Variants in CLEC17A observed in about 807,000 individuals in gnomAD.
CLEC17A encodes C-type lectin domain containing 17A.
Under a neutral mutation model 61.3 loss-of-function variants are expected in CLEC17A, and 37 were observed. That is an observed-to-expected ratio of 0.60 (90% CI 0.46 to 0.79). The LOEUF is 0.79. Ranked by LOEUF, CLEC17A falls within the 30% of genes least tolerant of loss-of-function variation. CLEC17A has a pLI of 0.00. For missense variants in CLEC17A, 418 were observed against 464.7 expected, an observed-to-expected ratio of 0.90 and a Z score of 0.92; for synonymous variants, 168 against 164.9, an observed-to-expected ratio of 1.02 and a Z score of -0.14.
At chr19:14,607,508 C>A (rs891933538) in intron 13 of CLEC17A, among the ~76,000 whole-genome samples, 2 of 150,466 alleles carry the variant, frequency 1.3e-5, no homozygotes, top group East Asian at 4.0e-4. Context: ...CGGCCAGGAG[C>A]TGGTTTTTAC....
intron 13 of CLEC17A, among the ~76,000 whole-genome samples, chr19:14,607,348 T>C (rs1226815243): frequency 5.4e-5 from 8 of 149,118 alleles, no homozygotes; most frequent in East Asian, 2.0e-4. Flanking sequence ...GGACTACAGG[T>C]GCCCATCACC....
In CLEC17A at chr19:14,591,018, G is replaced by T. The variant is rs190000213; in HGVS notation, c.200-1263G>T. Among the ~76,000 whole-genome samples, 3 of 151,888 alleles carry T rather than the reference G, an allele frequency of 2.0e-5. No individual in the cohort carries two copies. In the East Asian group the frequency reaches 5.8e-4, roughly 30 times the overall value. The stretch of plus-strand genomic sequence containing the variant: ...CAGCCTATTTCTGCGTCTCTTTACT[G>T]GTTTATTGTCTCTCTGGTCTAGATT... On this transcript the variant is annotated intron_variant, in intron 3 of 13. Transcript: ENST00000417570.
At position 14,610,270 on chromosome 19, in the gene CLEC17A, G is replaced by A. The variant is rs1426649427; in HGVS notation, c.*74G>A. The A allele has an allele frequency of 9.8e-6, 15 of 1,528,118 alleles. No individual in the cohort carries two copies. Among genetic ancestry groups the A allele is most frequent in the Non-Finnish European group, 1.1e-5 (13 of 1,141,252 alleles). The allele number at this position is 1,528,118 out of a possible 1,614,324, so 94.7% of individuals were successfully genotyped here. A position where few individuals can be genotyped will look rare whatever the true frequency, so the allele number is the denominator to read the frequency against. ...GAGAATCTCCTGCCCTTTCGTGGAC[G>A]GCCTTGCCTCTTCGTGAGTGGACAC... is the stretch of plus-strand genomic sequence containing the variant. On this transcript the variant is annotated 3_prime_UTR_variant, in exon 14 of 14. Transcript: ENST00000417570.
upstream of CLEC17A, among the ~76,000 whole-genome samples, chr19:14,581,944 AC>A (rs1436324803): frequency 2.6e-5 from 4 of 151,072 alleles, no homozygotes; most frequent in Non-Finnish European, 5.9e-5. Context: ...GAGCCACTGC[AC>A]CCGGCCAGAT....
chr19:14,583,279 A>G, intron 1 of CLEC17A, 76 bp downstream of exon 1: 1 of 1,612,890 alleles, frequency 6.2e-7, no homozygotes, highest in Non-Finnish European at 8.5e-7. Flanking sequence ...ACCATGGGGC[A>G]GCTGAGGCAG....
At chr19:14,591,006 C>G (rs144485008) in intron 3 of CLEC17A, among the ~76,000 whole-genome samples, 2 of 151,560 alleles carry the variant, frequency 1.3e-5, no homozygotes, top group East Asian at 1.9e-4. Flanking sequence ...CCTATTTCTG[C>G]GTCTCTTTAC....
chr19:14,607,023 C>A lies in CLEC17A; in HGVS notation c.925C>A (p.Arg309=). Residue 309 remains arginine (R), a synonymous_variant, in exon 13 of 14, where the codon CGG becomes AGG. Coordinates refer to ENST00000417570, the MANE Select transcript of CLEC17A (RefSeq NM_001204118.2). The stretch of plus-strand genomic sequence containing the variant: ...TGTGGCCAAGGCCCATGGCTCTCCA[C>A]GGGTGTACTGGCTGGGGCTGAATGA... ...NFVAKAHGSP[R]VYWLGLNDRA... 7.6e-7 allele frequency: 1 copy of A among 1,319,354 alleles called. No homozygotes were observed. The highest frequency in any genetic ancestry group is 9.7e-7 in the Non-Finnish European group (1 of 1,029,042). The allele number at this position is 1,319,354 out of a possible 1,614,324, so 81.7% of individuals were successfully genotyped here. A position where few individuals can be genotyped will look rare whatever the true frequency, so the allele number is the denominator to read the frequency against.
chr19:14,597,935 C>T (rs1420701984), intron 10 of CLEC17A, among the ~76,000 whole-genome samples: 2 of 152,070 alleles, frequency 1.3e-5, no homozygotes. Context: ...ACTGAGCTAG[C>T]GAGTGTTGAA....
intron 4 of CLEC17A, among the ~76,000 whole-genome samples, chr19:14,593,943 CAG>C (rs935152351): frequency 1.3e-5 from 2 of 150,946 alleles, no homozygotes; most frequent in Non-Finnish European, 2.9e-5. Flanking sequence ...GCCTGGGAGA[CAG>C]AGAGAGACTC....
chr19:14,585,935 A>G (rs1329288739), intron 2 of CLEC17A, among the ~76,000 whole-genome samples: 1 of 151,122 alleles, frequency 6.6e-6, no homozygotes, highest in African/African-American at 2.4e-5. Context: ...TCACCATGGA[A>G]TGTGGGGGAA....
In CLEC17A at chr19:14,610,286, GA is replaced by G. The variant is rs2075016755; in HGVS notation, c.*91del. Reference sequence around the variant, plus strand: ...TTCGTGGACGGCCTTGCCTCTTCGTGAGTGGACACACAGATGTGCCTCAAAC... The same window carrying G: ...TTCGTGGACGGCCTTGCCTCTTCGTGGTGGACACACAGATGTGCCTCAAAC... On this transcript the variant is annotated 3_prime_UTR_variant, in exon 14 of 14. Transcript: ENST00000417570. The G allele has an allele frequency of 6.7e-7, 1 of 1,503,172 alleles. No individual in the cohort carries two copies. Among genetic ancestry groups the G allele is most frequent in the Non-Finnish European group, 8.9e-7 (1 of 1,125,874 alleles). The allele number at this position is 1,503,172 out of a possible 1,614,324, so 93.1% of individuals were successfully genotyped here.
chr19:14,589,435 A>T (rs1336306114), intron 3 of CLEC17A, among the ~76,000 whole-genome samples: 2 of 142,222 alleles, frequency 1.4e-5, no homozygotes, highest in Non-Finnish European at 3.0e-5. Context: ...CAGAGAATTT[A>T]AAAAAAATAT....
At chr19:14,607,445 T>C (rs11882883) in intron 13 of CLEC17A, among the ~76,000 whole-genome samples, 13,328 of 151,696 alleles carry the variant, frequency 0.088, 604 homozygotes, top group Middle Eastern at 0.12. Flanking sequence ...CCTCGTGATC[T>C]GCCCGCCTTG....
Position 14,611,243 on chromosome 19 carries a change from C to G in CLEC17A, c.*1047C>G, listed in dbSNP as rs564253759. The G allele has an allele frequency of 6.6e-6, 1 of 152,196 alleles. No individual in the cohort carries two copies. The highest frequency in any genetic ancestry group is 6.6e-5 in the Admixed American group (1 of 15,252). The allele number at this position is 152,196 out of a possible 1,614,324, so 9.4% of individuals were successfully genotyped here. On this transcript the variant is annotated 3_prime_UTR_variant, in exon 14 of 14. Coordinates refer to ENST00000417570, the MANE Select transcript of CLEC17A (RefSeq NM_001204118.2). ...GCTTCCTTCCTGGTCTCAAACAGCA[C>G]AAATAACCCAGAAACCATCAAAATT...
At chr19:14,603,685 C>A (rs964918611) in intron 12 of CLEC17A, among the ~76,000 whole-genome samples, 2 of 151,914 alleles carry the variant, frequency 1.3e-5, no homozygotes, top group Non-Finnish European at 2.9e-5. Flanking sequence ...AGGCTGCTCT[C>A]TAGCTAATGA....
intron 3 of CLEC17A, among the ~76,000 whole-genome samples, chr19:14,590,697 TTTC>T (rs1568448521): frequency 1.3e-4 from 19 of 151,710 alleles, no homozygotes; most frequent in African/African-American, 4.1e-4. Context: ...TCTTTTCTTT[TTTC>T]TTTAAGAGTG....
chr19:14,594,716 C>T (rs1454275604), intron 6 of CLEC17A, 34 bp downstream of exon 6: 3 of 1,613,994 alleles, frequency 1.9e-6, no homozygotes, highest in Non-Finnish European at 1.7e-6. Context: ...TCCTGCTCAC[C>T]TGGCTGAAGC....
At chr19:14,609,858 C>CA (rs774019337) in intron 13 of CLEC17A, among the ~76,000 whole-genome samples, 35 of 144,754 alleles carry the variant, frequency 2.4e-4, no homozygotes, top group Admixed American at 1.4e-3. Context: ...CAAAACAAAA[C>CA]AAAAAACCCC....
At chr19:14,593,494 T>G (rs768681326) in intron 4 of CLEC17A, among the ~76,000 whole-genome samples, 1 of 152,006 alleles carries the variant, frequency 6.6e-6, no homozygotes, top group Non-Finnish European at 1.5e-5. Flanking sequence ...GAAAACATTT[T>G]TTTTTTCAAA....
Sources: allele counts gnomAD v4.1 joint callset (sites outside exome capture counted in the v4.1 genomes callset), GRCh38; gene constraint gnomAD v4.1.1; transcripts MANE v1.5; gene names NCBI Gene and HGNC (gene_info 2026-07-23, HGNC 2026-07-21).